CADM1: variants seen among roughly 807,000 people sequenced by gnomAD.
CADM1 encodes TSLC-1.
CADM1 carries 15 observed loss-of-function variants against 53.1 expected under a neutral mutation model. That is an observed-to-expected ratio of 0.28 (90% CI 0.19 to 0.44). CADM1 has a LOEUF of 0.44. Ranked by LOEUF, CADM1 falls within the 20% of genes least tolerant of loss-of-function variation. The probability of loss-of-function intolerance (pLI) is 1.00; values close to 1 mark genes in which losing one functional copy is unlikely to be tolerated. For missense variants in CADM1, 434 were observed against 611.3 expected (o/e 0.71, Z 3.06); for synonymous variants, 281 against 243.0 (o/e 1.16, Z -1.45).
intron 11 of CADM1, among the ~76,000 whole-genome samples, chr11:115,176,952 T>C (rs1939064053): frequency 6.6e-6 from 1 of 152,166 alleles, no homozygotes; most frequent in Non-Finnish European, 1.5e-5. Context: ...ACCAGATATG[T>C]GCACGTACAT....
At chr11:115,472,471 G>A (rs1037513985) in intron 1 of CADM1, among the ~76,000 whole-genome samples, 2 of 152,210 alleles carry the variant, frequency 1.3e-5, no homozygotes, top group Non-Finnish European at 2.9e-5. Context: ...GTGTGTGAGA[G>A]AGAGTGCACA....
intron 1 of CADM1, among the ~76,000 whole-genome samples, chr11:115,342,595 T>G (rs1490805367): frequency 2.0e-5 from 3 of 152,170 alleles, no homozygotes; most frequent in Non-Finnish European, 4.4e-5. Flanking sequence ...ACTATCTTCA[T>G]CTATCAAAAC....
Position 115,326,447 on chromosome 11 carries a change from G to A in CADM1, c.125-86027C>T, listed in dbSNP as rs546708651. On this transcript the variant is annotated intron_variant, in intron 1 of 11. Transcript: ENST00000331581. Reference sequence around the variant, plus strand: ...AACAGCCACCAGACTAAAGTACAATGTCCTTCTTGTTATGGTTTACTACTT... The same window carrying A: ...AACAGCCACCAGACTAAAGTACAATATCCTTCTTGTTATGGTTTACTACTT... 3.3e-5 allele frequency among the ~76,000 whole-genome samples: 5 copies of A among 152,232 alleles called. No individual in the cohort carries two copies. In the East Asian group the frequency reaches 5.8e-4, roughly 18 times the overall value.
rs1276149130 is a variant in CADM1, at chr11:115,174,577, C to G, written c.*1897G>C. On this transcript the variant is annotated 3_prime_UTR_variant, in exon 12 of 12. Coordinates refer to ENST00000331581, the MANE Select transcript of CADM1 (RefSeq NM_001301043.2). ...GGCCCCCATATTGCAATGGTTCTAT[C>G]AAAGGTTAAAATAAAGACAAGAAAA... The G allele has an allele frequency of 1.0e-6, 1 of 984,898 alleles. No individual in the cohort carries two copies. The highest frequency in any genetic ancestry group is 1.1e-4 in the East Asian group (1 of 8,806). 61.0% of individuals were successfully genotyped at this position (984,898 alleles called of 1,614,324 possible). A position where few individuals can be genotyped will look rare whatever the true frequency, so the allele number is the denominator to read the frequency against.
chr11:115,490,375 AG>A (rs1322612344), intron 1 of CADM1, among the ~76,000 whole-genome samples: 1 of 147,020 alleles, frequency 6.8e-6, no homozygotes, highest in Non-Finnish European at 1.5e-5. Context: ...GAATAGAGGG[AG>A]ATGTGGGAAG....
chr11:115,288,310 A>G (rs1218658989), intron 1 of CADM1, among the ~76,000 whole-genome samples: 1 of 152,200 alleles, frequency 6.6e-6, no homozygotes, highest in Non-Finnish European at 1.5e-5. Context: ...CTTTTCTTCC[A>G]GAAGTCCAGG....
At chr11:115,283,884 G>T (rs991642668) in intron 1 of CADM1, among the ~76,000 whole-genome samples, 16 of 152,304 alleles carry the variant, frequency 1.1e-4, no homozygotes, top group Admixed American at 1.0e-3. Flanking sequence ...CAGTACAGAG[G>T]CTTGCCCACC....
chr11:115,464,698 G>A (rs879730907), intron 1 of CADM1, among the ~76,000 whole-genome samples: 28 of 152,142 alleles, frequency 1.8e-4, no homozygotes, highest in Non-Finnish European at 3.7e-4. Flanking sequence ...CATTAAGGGG[G>A]AATAAAAAGA....
At chr11:115,423,260 C>T (rs1947805220) in intron 1 of CADM1, among the ~76,000 whole-genome samples, 1 of 152,128 alleles carries the variant, frequency 6.6e-6, no homozygotes, top group Non-Finnish European at 1.5e-5. Flanking sequence ...ACCGTATTTA[C>T]AAACCACAGT....
At chr11:115,442,424 G>A (rs1244961973) in intron 1 of CADM1, among the ~76,000 whole-genome samples, 1 of 152,056 alleles carries the variant, frequency 6.6e-6, no homozygotes, top group Non-Finnish European at 1.5e-5. Flanking sequence ...AATGACACAA[G>A]AGAAGTTCTC....
chr11:115,272,608 C>T (rs1056578368), intron 1 of CADM1, among the ~76,000 whole-genome samples: 5 of 151,890 alleles, frequency 3.3e-5, no homozygotes, highest in Admixed American at 3.3e-4. Flanking sequence ...TCATGTTATT[C>T]ACAAATAATT....
chr11:115,308,462 A>G (rs1017986285), intron 1 of CADM1, among the ~76,000 whole-genome samples: 2 of 151,950 alleles, frequency 1.3e-5, no homozygotes, highest in African/African-American at 2.4e-5. Context: ...TTTTTACTCA[A>G]TAAATATACT....
intron 11 of CADM1, among the ~76,000 whole-genome samples, chr11:115,177,940 CTG>C (rs1296822553): frequency 3.3e-5 from 5 of 152,008 alleles, no homozygotes; most frequent in African/African-American, 1.2e-4. Context: ...AGAAAAATAA[CTG>C]AGAGAGACAG....
intron 1 of CADM1, among the ~76,000 whole-genome samples, chr11:115,420,389 T>C (rs1226672014): frequency 1.3e-5 from 2 of 152,174 alleles, no homozygotes; most frequent in African/African-American, 4.8e-5. Flanking sequence ...CACAGGTGTA[T>C]TGATAATTGA....
At chr11:115,411,145 A>G (rs576384830) in intron 1 of CADM1, among the ~76,000 whole-genome samples, 1 of 152,364 alleles carries the variant, frequency 6.6e-6, no homozygotes, top group East Asian at 1.9e-4. Context: ...CACCCAGTCT[A>G]TAATTACAAT....
chr11:115,187,596 A>G (rs1591585666), intron 10 of CADM1, among the ~76,000 whole-genome samples: 2 of 152,084 alleles, frequency 1.3e-5, no homozygotes, highest in East Asian at 3.9e-4. Context: ...GCATGCCACC[A>G]CGCCTGGCTA....
intron 1 of CADM1, among the ~76,000 whole-genome samples, chr11:115,253,996 T>C (rs888731406): frequency 1.3e-5 from 2 of 152,202 alleles, no homozygotes; most frequent in African/African-American, 4.8e-5. Flanking sequence ...CACATAATAA[T>C]GGGTATGAAA....
intron 1 of CADM1, among the ~76,000 whole-genome samples, chr11:115,490,224 G>A (rs555043719): frequency 1.2e-4 from 18 of 152,100 alleles, no homozygotes; most frequent in East Asian, 3.9e-4. Flanking sequence ...TACTTTCCTC[G>A]TCTGTAAAAT....
At chr11:115,233,789 C>T (rs1473894456) in intron 3 of CADM1, among the ~76,000 whole-genome samples, 6 of 151,826 alleles carry the variant, frequency 4.0e-5, no homozygotes, top group Non-Finnish European at 7.4e-5. Flanking sequence ...TTGAAATATG[C>T]AGTGGTTCCT....
Sources: allele counts gnomAD v4.1 joint callset (sites outside exome capture counted in the v4.1 genomes callset), GRCh38; gene constraint gnomAD v4.1.1; transcripts MANE v1.5; gene names NCBI Gene and HGNC (gene_info 2026-07-23, HGNC 2026-07-21).